The following PCDHGA6 variants were observed in gnomAD, a reference collection of about 807,000 sequenced individuals.
The protein encoded by PCDHGA6 is protocadherin gamma-A6.
In PCDHGA6, 41 loss-of-function variants were observed where a neutral mutation model predicts 60.6. That is an observed-to-expected ratio of 0.68 (90% CI 0.53 to 0.88). The LOEUF is 0.88. Among genes scored for constraint, PCDHGA6 ranks in the 40% least tolerant of loss-of-function variants. The pLI, the probability that PCDHGA6 is intolerant of heterozygous loss-of-function variation, is 0.00. For synonymous variants in PCDHGA6, 594 were observed against 524.4 expected (o/e 1.13, Z -1.81); for missense variants, 1,312 against 1,203.0 (o/e 1.09, Z -1.34).
intron 1 of PCDHGA6, among the ~76,000 whole-genome samples, chr5:141,434,409 T>G (rs2097692930): frequency 6.6e-6 from 1 of 152,232 alleles, no homozygotes; most frequent in South Asian, 2.1e-4. Context: ...TCTGCAGCAC[T>G]GTGACATGTT....
chr5:141,417,969 T>G, intron 1 of PCDHGA6: 1 of 1,613,768 alleles, frequency 6.2e-7, no homozygotes, highest in Non-Finnish European at 8.5e-7. Flanking sequence ...CGCTACTCGA[T>G]TCCGGAGGAG....
Position 141,432,530 on chromosome 5 carries a change from G to C in PCDHGA6, c.2424+56023G>C. On this transcript the variant is annotated intron_variant, in intron 1 of 3. Transcript: ENST00000517434. This position sits in a 1 kb window ranked among gnomAD's most constrained non-coding sequence, Gnocchi z 6.0. ...AGAGCCCGGCTACCTGGTGACCAAG[G>C]TGGTGGCGGTGGACAGAGACTCCGG... 6.2e-7 allele frequency: 1 copy of C among 1,614,076 alleles called. No homozygotes were observed. Among genetic ancestry groups the C allele is most frequent in the South Asian group, 1.1e-5 (1 of 91,082 alleles).
intron 2 of PCDHGA6, among the ~76,000 whole-genome samples, chr5:141,496,104 G>A (rs950960102): frequency 6.8e-6 from 1 of 146,980 alleles, no homozygotes; most frequent in African/African-American, 2.5e-5. Context: ...CCAACACCCC[G>A]CTCTCTTCCT....
At chr5:141,381,409 G>T (rs998398001) in intron 1 of PCDHGA6, among the ~76,000 whole-genome samples, 1 of 152,220 alleles carries the variant, frequency 6.6e-6, no homozygotes, top group Non-Finnish European at 1.5e-5. Context: ...CAACATCAGT[G>T]GAGAGACGAG....
At chr5:141,415,266 G>T in intron 1 of PCDHGA6, 1 of 1,614,218 alleles carries the variant, frequency 6.2e-7, no homozygotes, top group Non-Finnish European at 8.5e-7. Flanking sequence ...CTCTGTACCT[G>T]GTGGTAGCGG....
chr5:141,414,357 A>G, intron 1 of PCDHGA6: 3 of 1,613,888 alleles, frequency 1.9e-6, no homozygotes, highest in Non-Finnish European at 2.5e-6. Flanking sequence ...TGGCGTATCT[A>G]CCATTTAAAT....
intron 1 of PCDHGA6, chr5:141,395,039 T>A: frequency 6.2e-7 from 1 of 1,614,020 alleles, no homozygotes; most frequent in Non-Finnish European, 8.5e-7. Context: ...ATTTTGTGGG[T>A]GTTGAGGAGG....
chr5:141,394,194 A>C (rs919478906), intron 1 of PCDHGA6: 3 of 1,613,842 alleles, frequency 1.9e-6, no homozygotes, highest in Non-Finnish European at 2.5e-6. Flanking sequence ...CTCAGCGTAT[A>C]TCCTAGAGAA....
At chr5:141,388,513 T>A in intron 1 of PCDHGA6, 2 of 1,613,840 alleles carry the variant, frequency 1.2e-6, no homozygotes, top group Non-Finnish European at 1.7e-6. Context: ...TCCTACCACT[T>A]GACTTTGACT....
At chr5:141,460,341 C>T (rs557699438) in intron 1 of PCDHGA6, among the ~76,000 whole-genome samples, 39 of 152,110 alleles carry the variant, frequency 2.6e-4, no homozygotes, top group Admixed American at 2.4e-3. Flanking sequence ...ATGATTTTCT[C>T]CTATATTTTC....
intron 1 of PCDHGA6, chr5:141,389,183 T>C: frequency 6.2e-7 from 1 of 1,613,988 alleles, no homozygotes. Context: ...TCTCCTCCAG[T>C]TCCAGCATCA....
rs1439795137 is a variant in PCDHGA6 at position 141,375,822 on chromosome 5, G to A, written c.1739G>A (p.Arg580His). The change falls in exon 1 of 4, where the codon CGC (arginine) becomes CAC (histidine). Residue 580 changes from arginine to histidine, a missense_variant. Coordinates refer to ENST00000517434, the MANE Select transcript of PCDHGA6 (RefSeq NM_018919.3). ...TCCACTGGCGTGGAGCTGGCGCCCC[G>A]CTCCGCAGAGCCCGGCTACCTGGTG... Reference protein sequence around the residue: ...DGSTGVELAPRSAEPGYLVTK... With the variant: ...DGSTGVELAPHSAEPGYLVTK... The A allele has an allele frequency of 3.1e-6, 5 of 1,614,024 alleles. No homozygotes were observed. The Admixed American group carries it at 6.7e-5, about 22-fold the overall frequency.
At chr5:141,405,659 G>T (rs867774573) in intron 1 of PCDHGA6, among the ~76,000 whole-genome samples, 1 of 152,106 alleles carries the variant, frequency 6.6e-6, no homozygotes, top group East Asian at 1.9e-4. Flanking sequence ...TGTGTTTTTA[G>T]TAGAGACGGG....
chr5:141,409,187 A>C, intron 1 of PCDHGA6: 1 of 1,614,024 alleles, frequency 6.2e-7, no homozygotes, highest in Non-Finnish European at 8.5e-7. Flanking sequence ...TGGTCTCTCT[A>C]CCCAGTGTAA....
Position 141,431,412 on chromosome 5 carries a change from GC to G in PCDHGA6, c.2424+54906del. ...CTGGTCCTTACGGCCTCCGACGGGG[GC>G]GACCCGGTGCGCACAGGCACCGCGC... On this transcript the variant is annotated intron_variant, in intron 1 of 3. Coordinates refer to ENST00000517434, the MANE Select transcript of PCDHGA6 (RefSeq NM_018919.3). The surrounding 1 kb of genome is among the most constrained non-coding windows in gnomAD (Gnocchi z 4.8). The G allele has an allele frequency of 6.2e-7, 1 of 1,613,714 alleles. No homozygotes were observed. Among genetic ancestry groups the G allele is most frequent in the Non-Finnish European group, 8.5e-7 (1 of 1,180,050 alleles).
chr5:141,503,654 G>C (rs1248501987), intron 2 of PCDHGA6, among the ~76,000 whole-genome samples: 1 of 150,388 alleles, frequency 6.6e-6, no homozygotes, highest in Non-Finnish European at 1.5e-5. Flanking sequence ...AATGGAAACA[G>C]AATTACAACT....
chr5:141,429,426 G>C (rs992784469), intron 1 of PCDHGA6, among the ~76,000 whole-genome samples: 3 of 151,724 alleles, frequency 2.0e-5, no homozygotes, highest in African/African-American at 4.8e-5. Context: ...TGTTGCCCAG[G>C]CTGGACTCAA....
chr5:141,417,875 G>A, intron 1 of PCDHGA6: 1 of 1,556,360 alleles, frequency 6.4e-7, no homozygotes, highest in South Asian at 1.2e-5. Flanking sequence ...AGGGAGCTGC[G>A]CGCAGAGGCG....
chr5:141,456,835 C>T (rs1261094365), intron 1 of PCDHGA6, among the ~76,000 whole-genome samples: 3 of 152,000 alleles, frequency 2.0e-5, no homozygotes, highest in African/African-American at 4.8e-5. Flanking sequence ...TGGTAGTGGG[C>T]GCCTGTAATC....
Sources: gnomAD v4.1 joint callset for allele counts (sites outside exome capture counted in the v4.1 genomes callset) on GRCh38, gnomAD v4.1.1 for gene constraint, Gnocchi (gnomAD v3.1) non-coding constraint, MANE v1.5 for transcripts, NCBI Gene and HGNC (gene_info 2026-07-23, HGNC 2026-07-21) for gene names.